The following TACR3 variants were observed in gnomAD, a reference collection of about 807,000 sequenced individuals.
TACR3 encodes the protein tachykinin receptor 3.
Under a neutral mutation model 35.0 loss-of-function variants are expected in TACR3, and 34 were observed. The observed-to-expected ratio is 0.97, with a 90% CI of 0.74 to 1.30. TACR3 has a LOEUF of 1.30. Ranked by LOEUF, TACR3 falls within the 50% of genes most tolerant of loss-of-function variation. The pLI is 0.00. For synonymous variants in TACR3, 233 were observed against 221.1 expected, an observed-to-expected ratio of 1.05 and a Z score of -0.48; for missense variants, 558 against 591.7, an observed-to-expected ratio of 0.94 and a Z score of 0.59.
intron 1 of TACR3, among the ~76,000 whole-genome samples, chr4:103,688,373 G>A (rs1450952827): frequency 5.3e-5 from 8 of 152,074 alleles, no homozygotes; most frequent in African/African-American, 1.7e-4. Context: ...AAAAGCAATG[G>A]CAACAAAAGC....
Position 103,590,010 on chromosome 4 carries a change from C to T in TACR3, c.1086-16G>A. On this transcript the variant is annotated splice_polypyrimidine_tract_variant and intron_variant, in intron 4 of 4. Coordinates refer to ENST00000304883, the MANE Select transcript of TACR3 (RefSeq NM_001059.3). ...AGCTCGAAATCTGAGGAAAAGCAGG[C>T]CACAGAAAGAAAAAGTTATTTTTTC... 1.2e-6 allele frequency: 2 copies of T among 1,611,358 alleles called. No individual in the cohort carries two copies. Among genetic ancestry groups the T allele is most frequent in the South Asian group, 2.2e-5 (2 of 90,982 alleles).
intron 1 of TACR3, among the ~76,000 whole-genome samples, chr4:103,695,350 A>C (rs930961799): frequency 4.6e-5 from 7 of 152,140 alleles, no homozygotes; most frequent in Admixed American, 1.3e-4. Context: ...TCCCTTAGAC[A>C]GCAAGATCAA....
At chr4:103,693,229 T>G (rs1458399679) in intron 1 of TACR3, among the ~76,000 whole-genome samples, 1 of 152,146 alleles carries the variant, frequency 6.6e-6, no homozygotes. Flanking sequence ...CTGAAAACAT[T>G]ATTTTATATC....
At chr4:103,671,124 T>C (rs1199959796) in intron 1 of TACR3, among the ~76,000 whole-genome samples, 1 of 151,872 alleles carries the variant, frequency 6.6e-6, no homozygotes, top group African/African-American at 2.4e-5. Context: ...ATGGATTTGA[T>C]GTGAATCTCA....
intron 1 of TACR3, among the ~76,000 whole-genome samples, chr4:103,695,358 C>A (rs1560534777): frequency 6.6e-6 from 1 of 152,144 alleles, no homozygotes; most frequent in South Asian, 2.1e-4. Context: ...ACAGCAAGAT[C>A]AACCCCTCTT....
chr4:103,665,304 A>ACTATGACTATTCATATATGT (rs1388696138), intron 1 of TACR3, among the ~76,000 whole-genome samples: 1 of 149,448 alleles, frequency 6.7e-6, no homozygotes, highest in African/African-American at 2.5e-5. Context: ...TGTATATATG[A>ACTATGACTATTCATATATGT]ATATATACAT....
chr4:103,691,585 C>T (rs951836408), intron 1 of TACR3, among the ~76,000 whole-genome samples: 1 of 152,050 alleles, frequency 6.6e-6, no homozygotes, highest in East Asian at 1.9e-4. Context: ...TGGCAGCAGG[C>T]CCCCCAAAAT....
chr4:103,611,369 A>AT (rs961440738), intron 3 of TACR3, among the ~76,000 whole-genome samples: 2 of 152,078 alleles, frequency 1.3e-5, no homozygotes, highest in Middle Eastern at 6.8e-3. Context: ...TAGTTACTTT[A>AT]TTTTTTTGTA....
rs1008776547 is a variant in TACR3, at chr4:103,719,596, G to A, written c.80C>T (p.Ser27Leu). Residue 27 changes from serine to leucine, a missense_variant, in exon 1 of 5, where the codon TCG becomes TTG. Transcript: ENST00000304883. Reference sequence around the variant, plus strand: ...CCCCGTGGCCGCCCCGGCAGCTAGCGAGGCGGTCAGGTTCACGGCGTCTGC... The same window carrying A: ...CCCCGTGGCCGCCCCGGCAGCTAGCAAGGCGGTCAGGTTCACGGCGTCTGC... ...VGADAVNLTA[S>L]LAAGAATGAV... 7 of 1,611,936 alleles carry A rather than the reference G, an allele frequency of 4.3e-6. No homozygotes were observed. The highest frequency in any genetic ancestry group is 5.9e-6 in the Non-Finnish European group (7 of 1,178,534).
At chr4:103,595,245 A>G (rs558513152) in intron 3 of TACR3, among the ~76,000 whole-genome samples, 3 of 152,162 alleles carry the variant, frequency 2.0e-5, no homozygotes, top group South Asian at 4.1e-4. Flanking sequence ...GTAAACTTTA[A>G]GAAATTCTTG....
intron 1 of TACR3, among the ~76,000 whole-genome samples, chr4:103,688,970 T>C (rs1396693082): frequency 1.3e-5 from 2 of 152,028 alleles, no homozygotes; most frequent in South Asian, 2.1e-4. Flanking sequence ...TGCGGCACTA[T>C]TCACAATAGC....
chr4:103,629,867 A>AAC (rs1725013219), intron 3 of TACR3, among the ~76,000 whole-genome samples: 1 of 132,596 alleles, frequency 7.5e-6, no homozygotes, highest in Non-Finnish European at 1.7e-5. Flanking sequence ...AAAACAAAAA[A>AAC]AAAACAAAAA....
At chr4:103,593,185 T>A (rs1262048389) in intron 3 of TACR3, 1 of 152,204 alleles carries the variant, frequency 6.6e-6, no homozygotes, top group Non-Finnish European at 1.5e-5. Context: ...TAATTAATTG[T>A]CTTTCAATTG....
At chr4:103,618,564 C>CTTTTTTTTTTTTTTT (rs57837921) in intron 3 of TACR3, among the ~76,000 whole-genome samples, 7 of 61,452 alleles carry the variant, frequency 1.1e-4, no homozygotes, top group African/African-American at 6.4e-4. Context: ...GTGACTTGGG[C>CTTTTTTTTTTTTTTT]TTTTTTTTTT....
chr4:103,650,715 ATATAAATAAATATATAT>A (rs1284156043), intron 3 of TACR3, among the ~76,000 whole-genome samples: 1 of 44,974 alleles, frequency 2.2e-5, no homozygotes, highest in African/African-American at 2.6e-4. Context: ...ATATAAATAT[ATATAAATAAATATATAT>A]TATATCATAT....
At chr4:103,689,045 T>C (rs1220044227) in intron 1 of TACR3, among the ~76,000 whole-genome samples, 1 of 151,898 alleles carries the variant, frequency 6.6e-6, no homozygotes, top group Non-Finnish European at 1.5e-5. Flanking sequence ...GTGGCACATA[T>C]ACACCATGGA....
intron 3 of TACR3, among the ~76,000 whole-genome samples, chr4:103,617,513 GGGGGACTTCTAAGCAAA>G (rs1451169277): frequency 1.3e-5 from 2 of 152,014 alleles, no homozygotes; most frequent in Non-Finnish European, 2.9e-5. Flanking sequence ...AATTAATTTT[GGGGGACTTCTAAGCAAA>G]ATCTTTCTAT....
chr4:103,601,617 G>C (rs1228867024), intron 3 of TACR3, among the ~76,000 whole-genome samples: 2 of 152,080 alleles, frequency 1.3e-5, no homozygotes, highest in Non-Finnish European at 2.9e-5. Flanking sequence ...CTTGTCTGTA[G>C]AGGATATTAT....
chr4:103,616,986 C>T (rs1356159903), intron 3 of TACR3, among the ~76,000 whole-genome samples: 1 of 152,100 alleles, frequency 6.6e-6, no homozygotes, highest in African/African-American at 2.4e-5. Flanking sequence ...AAAACCCAGA[C>T]CTCCACAAAT....
Sources: gnomAD v4.1 joint callset for allele counts (sites outside exome capture counted in the v4.1 genomes callset) on GRCh38, gnomAD v4.1.1 for gene constraint, MANE v1.5 for transcripts, NCBI Gene and HGNC (gene_info 2026-07-23, HGNC 2026-07-21) for gene names.